The following CFAP54 variants were observed in gnomAD, a reference collection of about 807,000 sequenced individuals.
CFAP54 encodes the protein cilia- and flagella-associated protein 54.
A neutral mutation model predicts 370.4 loss-of-function variants in CFAP54; 290 were observed. The ratio of observed to expected loss-of-function variants is 0.78; its 90% CI spans 0.71 to 0.86. The LOEUF (loss-of-function observed/expected upper bound fraction) is 0.86, where lower values mean the gene tolerates loss of function less well. Ranked by LOEUF, CFAP54 falls within the 40% of genes least tolerant of loss-of-function variation. The pLI is 0.00. For synonymous variants in CFAP54, 1,206 were observed against 1,236.5 expected (o/e 0.98, Z 0.52); for missense variants, 3,399 against 3,528.7 (o/e 0.96, Z 0.93).
intron 65 of CFAP54, among the ~76,000 whole-genome samples, chr12:96,826,837 CATATAAT>C (rs1333482029): frequency 2.8e-5 from 3 of 107,494 alleles, no homozygotes; most frequent in African/African-American, 7.6e-5. Flanking sequence ...TATAATATAT[CATATAAT>C]ATTATATAAT....
chr12:96,500,610 A>C lies in CFAP54; in HGVS notation c.318-224A>C, dbSNP rs535681497. 5.3e-5 allele frequency among the ~76,000 whole-genome samples: 8 copies of C among 152,274 alleles called. No individual in the cohort carries two copies. In the East Asian group the frequency reaches 1.5e-3, roughly 29 times the overall value. ...GTTGTGAACTTAAAATTGCTCTATGAAGTAAAGTATCTAAAAAAAATATGT... is the reference window on the plus strand; with the variant it reads ...GTTGTGAACTTAAAATTGCTCTATGCAGTAAAGTATCTAAAAAAAATATGT... On this transcript the variant is annotated intron_variant, in intron 1 of 67. Coordinates refer to ENST00000524981, the MANE Select transcript of CFAP54 (RefSeq NM_001306084.2).
chr12:96,837,373 T>C (rs544078718), intron 66 of CFAP54, among the ~76,000 whole-genome samples: 3 of 152,318 alleles, frequency 2.0e-5, no homozygotes, highest in African/African-American at 7.2e-5. Context: ...AGTTATCATG[T>C]AAAAATGAGT....
chr12:96,838,143 G>A (rs534031241), intron 66 of CFAP54, among the ~76,000 whole-genome samples: 3 of 152,118 alleles, frequency 2.0e-5, no homozygotes, highest in Admixed American at 6.6e-5. Flanking sequence ...AGCATTTTCC[G>A]CTGATTAGGA....
intron 38 of CFAP54, among the ~76,000 whole-genome samples, chr12:96,661,191 G>T (rs1350924692): frequency 6.6e-6 from 1 of 152,162 alleles, no homozygotes; most frequent in African/African-American, 2.4e-5. Flanking sequence ...AGGGCTGAAA[G>T]TTCTTATCCT....
chr12:96,599,742 A>G (rs1237867642), intron 26 of CFAP54, among the ~76,000 whole-genome samples: 1 of 152,118 alleles, frequency 6.6e-6, no homozygotes, highest in African/African-American at 2.4e-5. Flanking sequence ...TTTGATTTGC[A>G]TTTCTCTGAT....
intron 15 of CFAP54, 46 bp from the exon 16 acceptor site, chr12:96,554,135 AT>A (rs941111762): frequency 7.6e-7 from 1 of 1,310,500 alleles, no homozygotes; most frequent in Non-Finnish European, 1.0e-6. Context: ...GTTGCATTTG[AT>A]TTTCCCTTGT....
chr12:96,680,434 TTTTATA>T (rs1464618725), intron 40 of CFAP54, among the ~76,000 whole-genome samples: 1 of 152,146 alleles, frequency 6.6e-6, no homozygotes, highest in Non-Finnish European at 1.5e-5. Flanking sequence ...AAAAATCCTG[TTTTATA>T]TTTATGATTC....
chr12:96,813,973 G>A (rs1239934800), intron 64 of CFAP54, among the ~76,000 whole-genome samples: 2 of 152,174 alleles, frequency 1.3e-5, no homozygotes, highest in Non-Finnish European at 1.5e-5. Context: ...CAGTCATGGG[G>A]TCCAGGCCTC....
chr12:96,534,275 C>A, intron 11 of CFAP54, 48 bp downstream of exon 11: 1 of 1,060,702 alleles, frequency 9.4e-7, no homozygotes, highest in South Asian at 1.6e-5. Flanking sequence ...ACGAAATATG[C>A]TCTTTTATAG....
intron 32 of CFAP54, among the ~76,000 whole-genome samples, chr12:96,643,816 T>C (rs1956761168): frequency 6.6e-6 from 1 of 152,178 alleles, no homozygotes; most frequent in African/African-American, 2.4e-5. Context: ...ATGATTTTCT[T>C]GTTTAATATT....
intron 29 of CFAP54, among the ~76,000 whole-genome samples, chr12:96,626,039 T>A (rs749076257): frequency 6.6e-6 from 1 of 152,104 alleles, no homozygotes; most frequent in Non-Finnish European, 1.5e-5. Flanking sequence ...GGTGGCTTAT[T>A]TTGGTAGTGA....
At chr12:96,615,133 A>G (rs1012846112) in intron 26 of CFAP54, among the ~76,000 whole-genome samples, 26 of 152,382 alleles carry the variant, frequency 1.7e-4, no homozygotes, top group Middle Eastern at 3.4e-3. Context: ...TACAGTAACC[A>G]AAACAGCATG....
chr12:96,784,146 A>G (rs1958606969), intron 60 of CFAP54, among the ~76,000 whole-genome samples: 1 of 152,218 alleles, frequency 6.6e-6, no homozygotes, highest in Admixed American at 6.5e-5. Flanking sequence ...GTACACATAT[A>G]TGGGTATCTG....
intron 45 of CFAP54, among the ~76,000 whole-genome samples, chr12:96,696,882 GAA>G (rs952435756): frequency 4.6e-5 from 7 of 152,172 alleles, no homozygotes; most frequent in African/African-American, 1.4e-4. Flanking sequence ...TTGGAAGAGA[GAA>G]AAGTCATAGT....
chr12:96,528,001 A>G (rs1295947976), intron 9 of CFAP54, among the ~76,000 whole-genome samples: 2 of 152,164 alleles, frequency 1.3e-5, no homozygotes, highest in South Asian at 4.2e-4. Flanking sequence ...TTTCTGTCCA[A>G]TCCTTAATCT....
At chr12:96,762,772 T>G (rs34478) in intron 58 of CFAP54, among the ~76,000 whole-genome samples, 1,259 of 75,354 alleles carry the variant, frequency 0.017, 19 homozygotes, top group African/African-American at 0.067. Flanking sequence ...ATGATTAGGG[T>G]TTTTTTTTTC....
chr12:96,704,452 GTATATATATATATATATATATATA>G (rs71068825), intron 46 of CFAP54, among the ~76,000 whole-genome samples: 3,470 of 61,352 alleles, frequency 0.057, 231 homozygotes, highest in East Asian at 0.11. Context: ...ATGTATGTGT[GTATATATATATATATATATATATA>G]TATATATATA....
intron 24 of CFAP54, 146 bp downstream of exon 24, chr12:96,592,783 A>G (rs1956139784): frequency 3.0e-6 from 1 of 336,136 alleles, no homozygotes; most frequent in African/African-American, 2.1e-5. Context: ...TTTATGTGAT[A>G]TTTCATATAA....
At position 96,623,901 on chromosome 12, in the gene CFAP54, A is replaced by T. The variant is rs1243560740; in HGVS notation, c.3886+20A>T. 1 of 1,414,658 alleles carries T rather than the reference A, an allele frequency of 7.1e-7. No individual in the cohort carries two copies. Among genetic ancestry groups the T allele is most frequent in the East Asian group, 2.5e-5 (1 of 40,368 alleles). The allele number at this position is 1,414,658 out of a possible 1,614,324, so 87.6% of individuals were successfully genotyped here. A position where few individuals can be genotyped will look rare whatever the true frequency, so the allele number is the denominator to read the frequency against. On this transcript the variant is annotated intron_variant, in intron 28 of 67. Coordinates refer to ENST00000524981, the MANE Select transcript of CFAP54 (RefSeq NM_001306084.2). ...AGCAATGTAATCATTTGTTTTCTGT[A>T]TACTTCCATTTAGCATTAAGTTTTT...
Sources: gnomAD v4.1 joint callset for allele counts (sites outside exome capture counted in the v4.1 genomes callset) on GRCh38, gnomAD v4.1.1 for gene constraint, MANE v1.5 for transcripts, NCBI Gene and HGNC (gene_info 2026-07-23, HGNC 2026-07-21) for gene names.